Variants in DUS1L observed in about 807,000 individuals in gnomAD.
DUS1L encodes the protein dihydrouridine synthase 1 like.
A neutral mutation model predicts 61.2 loss-of-function variants in DUS1L; 56 were observed. The ratio of observed to expected loss-of-function variants is 0.92; its 90% CI spans 0.74 to 1.14. DUS1L has a LOEUF of 1.14. DUS1L is among the 50% of genes most tolerant of loss of function. The probability of loss-of-function intolerance (pLI) is 0.00; values close to 1 mark genes in which losing one functional copy is unlikely to be tolerated. For synonymous variants in DUS1L, 278 were observed against 259.5 expected (o/e 1.07, Z -0.69); for missense variants, 630 against 632.4 (o/e 1.00, Z 0.04).
At chr17:82,061,818 C>T (rs1213746867) in intron 6 of DUS1L, 83 bp downstream of exon 6, 13 of 1,590,260 alleles carry the variant, frequency 8.2e-6, no homozygotes, top group Non-Finnish European at 1.1e-5. Flanking sequence ...GGGCGTCAGG[C>T]GTGCCGAGCA....
chr17:82,058,871 G>C, intron 11 of DUS1L, 53 bp from the exon 12 acceptor site: 1 of 1,518,900 alleles, frequency 6.6e-7, no homozygotes, highest in Non-Finnish European at 9.1e-7. Flanking sequence ...TGCCCTGGCT[G>C]TGGGGGCTGC....
rs966739520 is a variant in DUS1L, at chr17:82,065,742, C to G, written c.-140G>C. The G allele has an allele frequency of 6.8e-6, 1 of 147,070 alleles. No individual in the cohort carries two copies. The highest frequency in any genetic ancestry group is 2.5e-5 in the African/African-American group (1 of 40,814). 9.1% of individuals were successfully genotyped at this position (147,070 alleles called of 1,614,324 possible). A position where few individuals can be genotyped will look rare whatever the true frequency, so the allele number is the denominator to read the frequency against. On this transcript the variant is annotated 5_prime_UTR_variant, in exon 1 of 14. Transcript: ENST00000306796. ...CCTGCAGCTCCCGGGGCGCCGCGAA[C>G]GCCCGCACCGCGCCGGGGCCGCCGC...
In DUS1L at chr17:82,059,947, C is replaced by T. The variant is rs532211239; in HGVS notation, c.1168+1G>A. ...GGCCCATCAGCGGAAGCAGCACTTA[C>T]GCTTCAGAGAGGGGTCGAAGGTCTT... On this transcript the variant is annotated splice_donor_variant, in intron 11 of 13. Transcript: ENST00000306796. LOFTEE classifies it high-confidence loss of function. 17 of 1,613,812 alleles carry T rather than the reference C, an allele frequency of 1.1e-5. No homozygotes were observed. The highest frequency in any genetic ancestry group is 3.3e-4 in the Middle Eastern group (2 of 6,082).
intron 3 of DUS1L, 141 bp downstream of exon 3, chr17:82,063,985 C>T (rs2033639460): frequency 1.4e-6 from 1 of 722,938 alleles, no homozygotes; most frequent in South Asian, 1.8e-5. Flanking sequence ...AGGCGGAGCA[C>T]AGAGGACAGC....
Position 82,057,733 on chromosome 17 carries a change from C to A in DUS1L, c.*382G>T. ...CGCCTAGGGGAGGTGGGGAGGGGACCTAAGCCCCCACTTTTGTCTACCCAG... is the reference window on the plus strand; with the variant it reads ...CGCCTAGGGGAGGTGGGGAGGGGACATAAGCCCCCACTTTTGTCTACCCAG... On this transcript the variant is annotated 3_prime_UTR_variant, in exon 14 of 14. Transcript: ENST00000306796. 1 of 201,098 alleles carries A rather than the reference C, an allele frequency of 5.0e-6. No homozygotes were observed. Among genetic ancestry groups the A allele is most frequent in the Non-Finnish European group, 1.0e-5 (1 of 97,786 alleles). 12.5% of individuals were successfully genotyped at this position (201,098 alleles called of 1,614,324 possible).
rs924757097 is a variant in DUS1L, at chr17:82,062,747, TG to T, written c.510+113del. The T allele has an allele frequency of 1.0e-5, 9 of 890,492 alleles. No homozygotes were observed. The African/African-American group carries it at 1.5e-4, about 15-fold the overall frequency. The allele number at this position is 890,492 out of a possible 1,614,324, so 55.2% of individuals were successfully genotyped here. ...GGGACAGGCCAGTCAGGAGGGCCAC[TG>T]CCCCCATGAGGCCGACGGTGCACGG... On this transcript the variant is annotated intron_variant, in intron 5 of 13. Transcript: ENST00000306796.
chr17:82,061,577 G>A (rs373200024), intron 7 of DUS1L, 41 bp downstream of exon 7: 7 of 1,582,722 alleles, frequency 4.4e-6, no homozygotes, highest in Middle Eastern at 1.7e-4. Context: ...GTATCAGGCC[G>A]TGTGCATGGG....
rs145545122 is a variant in DUS1L, at chr17:82,058,250, G to A, written c.1287C>T (p.His429=). ...CCAATTTGGTTTTAAAAAGCAATCC[G>A]TGACCTGGCAGAGCGAGTGAGAGGA... ...ASKETADCPG[H]GLLFKTKLEK... The change falls in exon 14 of 14, where the codon CAC becomes CAT. Residue 429 remains histidine, a synonymous_variant. Transcript: ENST00000306796. 1.3e-5 allele frequency: 21 copies of A among 1,578,628 alleles called. No individual in the cohort carries two copies. The highest frequency in any genetic ancestry group is 6.8e-5 in the African/African-American group (5 of 73,886).
In DUS1L at chr17:82,058,265, G is replaced by C; in HGVS notation, c.1283-11C>G. On this transcript the variant is annotated splice_polypyrimidine_tract_variant and intron_variant, in intron 13 of 13. Transcript: ENST00000306796. ...AAAGCAATCCGTGACCTGGCAGAGCGAGTGAGAGGAGTCGGGGGTCAGGAG... is the reference window on the plus strand; with the variant it reads ...AAAGCAATCCGTGACCTGGCAGAGCCAGTGAGAGGAGTCGGGGGTCAGGAG... The C allele has an allele frequency of 6.4e-7, 1 of 1,565,126 alleles. No individual in the cohort carries two copies. The highest frequency in any genetic ancestry group is 8.7e-7 in the Non-Finnish European group (1 of 1,150,056).
At position 82,060,776 on chromosome 17, in the gene DUS1L, A is replaced by G; in HGVS notation, c.947T>C (p.Ile316Thr). Residue 316 changes from isoleucine to threonine, a missense_variant, in exon 10 of 14, where the codon ATA becomes ACA. Transcript: ENST00000306796. ...GGGCTTCGCTCCCTCCTGCCTGGAT[A>G]TCTCCTCCTGCAAAAGCCCAAGGCC... The part of the protein sequence containing the change: ...QELKLRCQEE[I>T]SRQEGAKPTG... The G allele has an allele frequency of 6.2e-7, 1 of 1,612,414 alleles. No homozygotes were observed. Among genetic ancestry groups the G allele is most frequent in the Non-Finnish European group, 8.5e-7 (1 of 1,179,694 alleles).
At chr17:82,059,838 C>T (rs2033380209) in intron 11 of DUS1L, 110 bp downstream of exon 11, 2 of 1,497,512 alleles carry the variant, frequency 1.3e-6, no homozygotes, top group Non-Finnish European at 1.8e-6. Flanking sequence ...GCTTCCAGCT[C>T]TGGGCCTTGA....
intron 10 of DUS1L, chr17:82,060,318 C>T (rs1167696065): frequency 3.2e-6 from 2 of 625,140 alleles, no homozygotes; most frequent in East Asian, 5.5e-5. Context: ...AGCTCTGAAC[C>T]ACCAGCTCCA....
Position 82,059,967 on chromosome 17 carries a change from G to C in DUS1L, c.1149C>G (p.Thr383=), listed in dbSNP as rs781141688. The C allele has an allele frequency of 1.2e-6, 2 of 1,613,998 alleles. No individual in the cohort carries two copies. The highest frequency in any genetic ancestry group is 2.2e-5 in the East Asian group (1 of 44,876). The part of the protein sequence containing the change: ...QKKQLRNPHK[T]FDPSLKPKYA... ...ACTTACGCTTCAGAGAGGGGTCGAA[G>C]GTCTTGTGGGGGTTCCTCAGCTGCT... is the stretch of plus-strand genomic sequence containing the variant. Residue 383 remains threonine, a synonymous_variant, in exon 11 of 14, where the codon ACC becomes ACG. Transcript: ENST00000306796.
Position 82,058,400 on chromosome 17 carries a change from A to T in DUS1L, c.1223T>A (p.Phe408Tyr), listed in dbSNP as rs1199962427. 2.0e-6 allele frequency: 3 copies of T among 1,493,410 alleles called. No individual in the cohort carries two copies. Among genetic ancestry groups the T allele is most frequent in the Non-Finnish European group, 2.7e-6 (3 of 1,119,832 alleles). 92.5% of individuals were successfully genotyped at this position (1,493,410 alleles called of 1,614,324 possible). ...CGNPKGNRCV[F>Y]SLCRGCCKKR... Reference sequence around the variant, plus strand: ...CTTGCAGCAGCCGCGGCACAGGCTGAACACACATCTGTTGCCCTGGGCACA... The same window carrying T: ...CTTGCAGCAGCCGCGGCACAGGCTGTACACACATCTGTTGCCCTGGGCACA... The change falls in exon 13 of 14, where the codon TTC becomes TAC. Residue 408 changes from phenylalanine to tyrosine, a missense_variant. By Grantham distance (22) the Phe-to-Tyr change is conservative (BLOSUM62 3). Coordinates refer to ENST00000306796, the MANE Select transcript of DUS1L (RefSeq NM_022156.5).
chr17:82,064,705 T>C (rs886608552), intron 2 of DUS1L, 118 bp downstream of exon 2: 2 of 1,036,468 alleles, frequency 1.9e-6, no homozygotes, highest in South Asian at 1.6e-5. Context: ...CCTCCTGGAA[T>C]TGAGCTGTCT....
Position 82,064,224 on chromosome 17 carries a change from T to C in DUS1L, c.248A>G (p.Asn83Ser). Residue 83 changes from asparagine (N) to serine (S), a missense_variant, in exon 3 of 14, where the codon AAT (asparagine) becomes AGT (serine). Physicochemically the swap from Asn to Ser is conservative, Grantham distance 46. Transcript: ENST00000306796. ...CGCCTGAACAAACACCTCCGGGTCA[T>C]TGGCACAGAACTGGAGAAGATGCAG... ...DRPLIVQFCANDPEVFVQAAL... is the reference protein window; with the variant it reads ...DRPLIVQFCASDPEVFVQAAL... The C allele has an allele frequency of 2.5e-6, 4 of 1,611,554 alleles. No homozygotes were observed. Among genetic ancestry groups the C allele is most frequent in the African/African-American group, 1.3e-5 (1 of 75,028 alleles).
At chr17:82,060,592 T>A in intron 10 of DUS1L, 109 bp downstream of exon 10, 1 of 1,387,254 alleles carries the variant, frequency 7.2e-7, no homozygotes, top group Non-Finnish European at 9.8e-7. Flanking sequence ...GGGCAGGAGA[T>A]GACTGACCAT....
chr17:82,062,910 A>C lies in DUS1L; in HGVS notation c.461T>G (p.Ile154Ser). 1 of 1,613,054 alleles carries C rather than the reference A, an allele frequency of 6.2e-7. No homozygotes were observed. The highest frequency in any genetic ancestry group is 8.5e-7 in the Non-Finnish European group (1 of 1,179,946). Residue 154 changes from isoleucine (I) to serine (S), a missense_variant, in exon 5 of 14, where the codon ATT (isoleucine) becomes AGT (serine). By Grantham distance (142) the Ile-to-Ser change is moderately radical. Coordinates refer to ENST00000306796, the MANE Select transcript of DUS1L (RefSeq NM_022156.5). ...VTCKIRVFPE[I>S]DKTVRYAQML... is the part of the protein sequence containing the mutation. ...CTGGGCGTACCTCACGGTCTTGTCA[A>C]TCTCCGGGAAGACACGGATTTTGCA...
At chr17:82,060,828 C>A (rs774378451) in intron 9 of DUS1L, 37 bp downstream of exon 9, 4 of 1,611,632 alleles carry the variant, frequency 2.5e-6, no homozygotes, top group Non-Finnish European at 2.5e-6. Flanking sequence ...CCCCTCACCC[C>A]CTGCAAGGCC....
Sources: gnomAD v4.1 joint callset for allele counts on GRCh38, gnomAD v4.1.1 for gene constraint, MANE v1.5 for transcripts, NCBI Gene and HGNC (gene_info 2026-07-23, HGNC 2026-07-21) for gene names.